The following CDH4 variants were observed in gnomAD, a reference collection of about 807,000 sequenced individuals.
CDH4 encodes the protein cadherin 4.
A neutral mutation model predicts 86.0 loss-of-function variants in CDH4; 33 were observed. That is an observed-to-expected ratio of 0.38 (90% CI 0.29 to 0.51). CDH4 has a LOEUF of 0.51. CDH4 is among the 20% of genes least tolerant of loss of function. CDH4 has a pLI of 0.86. For synonymous variants in CDH4, 555 were observed against 549.4 expected, an observed-to-expected ratio of 1.01 and a Z score of -0.14; for missense variants, 1,114 against 1,307.4, an observed-to-expected ratio of 0.85 and a Z score of 2.28.
chr20:61,432,833 AT>A (rs36067606), intron 2 of CDH4, among the ~76,000 whole-genome samples: 18,680 of 101,562 alleles, frequency 0.18, 777 homozygotes, highest in East Asian at 0.41. Context: ...TAAATCCATG[AT>A]TTTTTTTTTT....
intron 2 of CDH4, among the ~76,000 whole-genome samples, chr20:61,520,665 G>A (rs182414600): frequency 3.9e-5 from 6 of 152,256 alleles, no homozygotes; most frequent in South Asian, 2.1e-4. Context: ...GCTCAGTGAC[G>A]GTGATGCGGG....
chr20:61,338,477 G>A (rs1204829200), intron 2 of CDH4, among the ~76,000 whole-genome samples: 1 of 152,158 alleles, frequency 6.6e-6, no homozygotes, highest in Non-Finnish European at 1.5e-5. Context: ...CCAGAAGAAT[G>A]GGAATCGGCG....
intron 4 of CDH4, among the ~76,000 whole-genome samples, chr20:61,841,523 C>CT (rs1395222234): frequency 1.3e-5 from 2 of 152,176 alleles, no homozygotes; most frequent in Non-Finnish European, 2.9e-5. Flanking sequence ...TGGCCTTGGG[C>CT]AGTAGAGGGA....
chr20:61,801,965 G>A (rs1487330809), intron 4 of CDH4, among the ~76,000 whole-genome samples: 3 of 152,236 alleles, frequency 2.0e-5, no homozygotes, highest in African/African-American at 7.2e-5. Context: ...AGATGTCTCT[G>A]GCAGCCGGAT....
intron 2 of CDH4, among the ~76,000 whole-genome samples, chr20:61,436,323 C>T (rs2085282013): frequency 6.6e-6 from 1 of 152,212 alleles, no homozygotes; most frequent in Non-Finnish European, 1.5e-5. Flanking sequence ...GCAGAGGCAG[C>T]TCAGACCCCA....
At chr20:61,919,638 G>A (rs1279952581) in intron 9 of CDH4, among the ~76,000 whole-genome samples, 2 of 152,264 alleles carry the variant, frequency 1.3e-5, no homozygotes, top group African/African-American at 4.8e-5. Context: ...TCCTCTCTAA[G>A]TGGAAATGTC....
intron 2 of CDH4, among the ~76,000 whole-genome samples, chr20:61,692,058 A>G (rs114689811): frequency 0.011 from 1,600 of 152,112 alleles, 29 homozygotes; most frequent in African/African-American, 0.037. Context: ...ATTAGGTAAA[A>G]CCAGGTCCAA....
intron 2 of CDH4, among the ~76,000 whole-genome samples, chr20:61,511,469 A>G (rs1027981745): frequency 5.9e-5 from 9 of 152,236 alleles, no homozygotes; most frequent in Non-Finnish European, 1.2e-4. Flanking sequence ...CAAACTGCTG[A>G]GGCTAAACAG....
intron 2 of CDH4, among the ~76,000 whole-genome samples, chr20:61,685,251 G>T (rs904402939): frequency 6.6e-6 from 1 of 152,164 alleles, no homozygotes. Flanking sequence ...CTGTTCCTGG[G>T]AATATATTGT....
chr20:61,444,937 A>G, intron 2 of CDH4, among the ~76,000 whole-genome samples: 1 of 149,604 alleles, frequency 6.7e-6, no homozygotes, highest in East Asian at 2.0e-4. Flanking sequence ...GTCTGTATCT[A>G]TTTGTGTGTA....
intron 2 of CDH4, among the ~76,000 whole-genome samples, chr20:61,536,191 T>G (rs1017915829): frequency 5.3e-5 from 8 of 152,036 alleles, no homozygotes; most frequent in African/African-American, 7.2e-5. Context: ...CCTCACTGCC[T>G]CCCTCGTGTG....
At chr20:61,528,221 C>CA (rs2085924771) in intron 2 of CDH4, among the ~76,000 whole-genome samples, 1 of 150,872 alleles carries the variant, frequency 6.6e-6, no homozygotes, top group African/African-American at 2.4e-5. Context: ...ACTAAAAATA[C>CA]AAAAAATTAG....
At chr20:61,523,368 CGTGTGATGATTGCGTGG>C (rs2085887200) in intron 2 of CDH4, among the ~76,000 whole-genome samples, 1 of 152,246 alleles carries the variant, frequency 6.6e-6, no homozygotes, top group Non-Finnish European at 1.5e-5. Context: ...GCGTTTGCCA[CGTGTGATGATTGCGTGG>C]CATGGCGTGC....
At position 61,676,697 on chromosome 20, in the gene CDH4, G is replaced by A. The variant is rs1217990060; in HGVS notation, c.170-66866G>A. On this transcript the variant is annotated intron_variant, in intron 2 of 15. Coordinates refer to ENST00000614565, the MANE Select transcript of CDH4 (RefSeq NM_001794.5). This position sits in a 1 kb window ranked among gnomAD's most constrained non-coding sequence, Gnocchi z 4.5. ...TCCCACACACCCCCAGGAGCCTATGGAAGTGACCAGATGATAAACCTTGAT... is the reference window on the plus strand; with the variant it reads ...TCCCACACACCCCCAGGAGCCTATGAAAGTGACCAGATGATAAACCTTGAT... Among the ~76,000 whole-genome samples, 1 of 152,206 alleles carries A rather than the reference G, an allele frequency of 6.6e-6. No individual in the cohort carries two copies. The highest frequency in any genetic ancestry group is 1.5e-5 in the Non-Finnish European group (1 of 68,042).
chr20:61,594,997 T>C (rs924432691), intron 2 of CDH4, among the ~76,000 whole-genome samples: 9 of 152,246 alleles, frequency 5.9e-5, no homozygotes, highest in Non-Finnish European at 1.3e-4. Context: ...GGCCATGCAC[T>C]GAGGGTGCAG....
chr20:61,518,868 C>T lies in CDH4; in HGVS notation c.170-224695C>T, dbSNP rs2085846436. Reference sequence around the variant, plus strand: ...ATCCACCCATCACCCATTCATCCATCATTCATTCATCAATCCACCCATCAT... The same window carrying T: ...ATCCACCCATCACCCATTCATCCATTATTCATTCATCAATCCACCCATCAT... On this transcript the variant is annotated intron_variant, in intron 2 of 15. Transcript: ENST00000614565. This position sits in a 1 kb window ranked among gnomAD's most constrained non-coding sequence, Gnocchi z 6.3. Among the ~76,000 whole-genome samples, 1 of 151,506 alleles carries T rather than the reference C, an allele frequency of 6.6e-6. No homozygotes were observed. The highest frequency in any genetic ancestry group is 2.4e-5 in the African/African-American group (1 of 41,372).
chr20:61,363,599 A>T (rs1309361448), intron 2 of CDH4, among the ~76,000 whole-genome samples: 1 of 152,222 alleles, frequency 6.6e-6, no homozygotes, highest in Middle Eastern at 3.2e-3. Context: ...AGTTAGGCTG[A>T]TGCCAGGGAT....
chr20:61,419,710 C>G (rs1223781172), intron 2 of CDH4, among the ~76,000 whole-genome samples: 2 of 151,016 alleles, frequency 1.3e-5, no homozygotes, highest in Non-Finnish European at 1.5e-5. Flanking sequence ...GCTGTCCCTT[C>G]TGCTGAGTAT....
At chr20:61,844,614 C>T (rs982863582) in intron 4 of CDH4, 54 bp from the exon 5 acceptor site, 151 of 1,548,080 alleles carry the variant, frequency 9.8e-5, no homozygotes, top group Middle Eastern at 1.7e-4. Flanking sequence ...AGATCGGCCC[C>T]GGGCCTCTCC....
Sources: gnomAD v4.1 joint callset for allele counts (sites outside exome capture counted in the v4.1 genomes callset) on GRCh38, gnomAD v4.1.1 for gene constraint, Gnocchi (gnomAD v3.1) non-coding constraint, MANE v1.5 for transcripts, NCBI Gene and HGNC (gene_info 2026-07-23, HGNC 2026-07-21) for gene names.